Variants in IGDCC3 observed in about 807,000 individuals in gnomAD.
IGDCC3 encodes putative neuronal cell adhesion molecule.
A neutral mutation model predicts 72.0 loss-of-function variants in IGDCC3; 47 were observed. The ratio of observed to expected loss-of-function variants is 0.65; its 90% CI spans 0.52 to 0.83. The LOEUF (loss-of-function observed/expected upper bound fraction) is 0.83. IGDCC3 is among the 40% of genes least tolerant of loss of function. The pLI is 0.00. For missense variants in IGDCC3, 1,038 were observed against 1,091.3 expected (o/e 0.95, Z 0.69); for synonymous variants, 477 against 472.8 (o/e 1.01, Z -0.11).
At chr15:65,349,771 T>C (rs1341610513) in intron 2 of IGDCC3, among the ~76,000 whole-genome samples, 1 of 152,230 alleles carries the variant, frequency 6.6e-6, no homozygotes, top group African/African-American at 2.4e-5. Flanking sequence ...TTAGGGTTCA[T>C]GTCATAGTAA....
chr15:65,372,200 G>C lies in IGDCC3; in HGVS notation c.409+2897C>G, dbSNP rs570890263. On this transcript the variant is annotated intron_variant, in intron 2 of 13. Coordinates refer to ENST00000327987, the MANE Select transcript of IGDCC3 (RefSeq NM_004884.4). ...TCCTGCGTGCCAGGCAAAGTGTGGGGTGTGCTGGTCCTCACAGCCGCCCTA... is the reference window on the plus strand; with the variant it reads ...TCCTGCGTGCCAGGCAAAGTGTGGGCTGTGCTGGTCCTCACAGCCGCCCTA... 3.9e-4 allele frequency among the ~76,000 whole-genome samples: 60 copies of C among 152,298 alleles called. No homozygotes were observed. In the South Asian group the frequency reaches 0.012, roughly 32 times the overall value.
chr15:65,371,765 T>C (rs2091326898), intron 2 of IGDCC3, among the ~76,000 whole-genome samples: 1 of 152,196 alleles, frequency 6.6e-6, no homozygotes, highest in South Asian at 2.1e-4. Context: ...CTCCTCCCTG[T>C]AGCTAGTCCA....
At chr15:65,341,818 G>A (rs2091083713) in intron 2 of IGDCC3, among the ~76,000 whole-genome samples, 1 of 152,178 alleles carries the variant, frequency 6.6e-6, no homozygotes. Flanking sequence ...CTGTCACCCA[G>A]GCTGGAGTGT....
chr15:65,351,800 T>G (rs2091176048), intron 2 of IGDCC3, among the ~76,000 whole-genome samples: 1 of 152,234 alleles, frequency 6.6e-6, no homozygotes, highest in Non-Finnish European at 1.5e-5. Context: ...TATAACTTAG[T>G]GTATGTTATT....
In IGDCC3 at chr15:65,329,821, G is replaced by T; in HGVS notation, c.1902C>A (p.Asn634Lys). ...TGACGATGCCTGTGGTGGACGTCTG[G>T]TTGGCGGCCTCCTCCTTCCGGCAGT... Reference protein sequence around the residue: ...PCDCRKEEAANQTSTTGIVIG... With the variant: ...PCDCRKEEAAKQTSTTGIVIG... Residue 634 changes from asparagine to lysine, a missense_variant, in exon 12 of 14, where the codon AAC becomes AAA. Transcript: ENST00000327987. This position sits in a 1 kb window ranked among gnomAD's most constrained non-coding sequence, Gnocchi z 4.1. The T allele has an allele frequency of 6.2e-7, 1 of 1,614,132 alleles. No individual in the cohort carries two copies. The highest frequency in any genetic ancestry group is 1.1e-5 in the South Asian group (1 of 91,078).
intron 2 of IGDCC3, among the ~76,000 whole-genome samples, chr15:65,348,674 G>A (rs775658536): frequency 6.6e-6 from 1 of 152,176 alleles, no homozygotes; most frequent in Non-Finnish European, 1.5e-5. Context: ...ATGCTTGACC[G>A]ACCCCGGGTT....
At chr15:65,349,538 G>A (rs2091155438) in intron 2 of IGDCC3, among the ~76,000 whole-genome samples, 1 of 152,198 alleles carries the variant, frequency 6.6e-6, no homozygotes, top group African/African-American at 2.4e-5. Context: ...TCGTTTTTCT[G>A]TGTCGAGGGG....
intron 6 of IGDCC3, 125 bp from the exon 7 acceptor site, chr15:65,332,231 G>T: frequency 1.7e-6 from 2 of 1,149,916 alleles, no homozygotes; most frequent in Admixed American, 5.1e-5. Flanking sequence ...ACACACATCT[G>T]CCCCCTGGAG....
intron 2 of IGDCC3, among the ~76,000 whole-genome samples, chr15:65,354,142 G>C (rs1321132586): frequency 6.6e-6 from 1 of 152,158 alleles, no homozygotes; most frequent in Non-Finnish European, 1.5e-5. Flanking sequence ...CTGACTTCAG[G>C]TGATCTGCCC....
At chr15:65,361,601 A>G (rs1028820525) in intron 2 of IGDCC3, among the ~76,000 whole-genome samples, 6 of 152,060 alleles carry the variant, frequency 3.9e-5, no homozygotes, top group African/African-American at 1.4e-4. Flanking sequence ...AGATGAAAAT[A>G]TCCCCTCCCA....
At chr15:65,332,869 G>A (rs1451363881) in intron 6 of IGDCC3, among the ~76,000 whole-genome samples, 5 of 152,226 alleles carry the variant, frequency 3.3e-5, no homozygotes, top group Admixed American at 6.5e-5. Context: ...AAGCAGGCCC[G>A]GAGTGCACAG....
At chr15:65,370,638 A>G (rs1274831643) in intron 2 of IGDCC3, among the ~76,000 whole-genome samples, 1 of 145,182 alleles carries the variant, frequency 6.9e-6, no homozygotes, top group Non-Finnish European at 1.5e-5. Context: ...ATATATATAT[A>G]TATATATATA....
chr15:65,342,157 C>T (rs1045304935), intron 2 of IGDCC3, among the ~76,000 whole-genome samples: 16 of 149,438 alleles, frequency 1.1e-4, no homozygotes, highest in Non-Finnish European at 1.8e-4. Context: ...GAGGCCGAGG[C>T]GGGTGGATCA....
rs1439143699 is a variant in IGDCC3 at position 65,334,766 on chromosome 15, G to C, written c.785C>G (p.Thr262Arg). 6.2e-7 allele frequency: 1 copy of C among 1,602,942 alleles called. No homozygotes were observed. Among genetic ancestry groups the C allele is most frequent in the Non-Finnish European group, 8.5e-7 (1 of 1,174,932 alleles). The stretch of plus-strand genomic sequence containing the variant: ...GGACACAATGGGGCGCGGGTTGCCC[G>C]TGGCGACACACTCAAGCACCGCGGT... ...HQTAVLECVA[T>R]GNPRPIVSWS... Residue 262 changes from threonine (T) to arginine (R), a missense_variant, in exon 5 of 14, where the codon ACG becomes AGG. Transcript: ENST00000327987.
At chr15:65,367,362 A>AG (rs1729322610) in intron 2 of IGDCC3, among the ~76,000 whole-genome samples, 1 of 150,104 alleles carries the variant, frequency 6.7e-6, no homozygotes, top group Admixed American at 6.6e-5. Context: ...AAAAAAAAAA[A>AG]AAAAGAAAAG....
chr15:65,342,462 C>G (rs1433865112), intron 2 of IGDCC3, among the ~76,000 whole-genome samples: 5 of 152,158 alleles, frequency 3.3e-5, no homozygotes, highest in African/African-American at 4.8e-5. Context: ...ATTTCAAGTG[C>G]TCAGCAGCCA....
chr15:65,363,569 T>C (rs1392995712), intron 2 of IGDCC3, among the ~76,000 whole-genome samples: 2 of 152,188 alleles, frequency 1.3e-5, no homozygotes, highest in African/African-American at 4.8e-5. Flanking sequence ...GCTGTGGCTA[T>C]TGCCCAGGCA....
chr15:65,348,242 A>G (rs2091142784), intron 2 of IGDCC3, among the ~76,000 whole-genome samples: 1 of 152,232 alleles, frequency 6.6e-6, no homozygotes, highest in East Asian at 1.9e-4. Context: ...TCTATGCAGT[A>G]GCCATTCTTT....
Position 65,329,751 on chromosome 15 carries a change from A to G in IGDCC3, c.1972T>C (p.Phe658Leu). 6.2e-7 allele frequency: 1 copy of G among 1,614,128 alleles called. No individual in the cohort carries two copies. Among genetic ancestry groups the G allele is most frequent in the Non-Finnish European group, 8.5e-7 (1 of 1,180,026 alleles). The change falls in exon 12 of 14, where the codon TTC (phenylalanine) becomes CTC (leucine). Residue 658 changes from phenylalanine (F) to leucine (L), a missense_variant. Physicochemically the swap from Phe to Leu is conservative, Grantham distance 22. Coordinates refer to ENST00000327987, the MANE Select transcript of IGDCC3 (RefSeq NM_004884.4). This position sits in a 1 kb window ranked among gnomAD's most constrained non-coding sequence, Gnocchi z 4.1. The stretch of plus-strand genomic sequence containing the variant: ...CTGCCCCTTTGGCCGAACAGGAGGA[A>G]GAGGACACAGAAGATGATGCAAGTG... ...GVTCIIFCVL[F>L]LLFGQRGRVL... is the part of the protein sequence containing the mutation.
Sources: gnomAD v4.1 joint callset for allele counts (sites outside exome capture counted in the v4.1 genomes callset) on GRCh38, gnomAD v4.1.1 for gene constraint, Gnocchi (gnomAD v3.1) non-coding constraint, MANE v1.5 for transcripts, NCBI Gene and HGNC (gene_info 2026-07-23, HGNC 2026-07-21) for gene names.